NTM: variants seen among roughly 807,000 people sequenced by gnomAD.
NTM encodes neurotrimin.
In NTM, 13 loss-of-function variants were observed where a neutral mutation model predicts 42.1. That is an observed-to-expected ratio of 0.31 (90% CI 0.20 to 0.49). The LOEUF is 0.49. Ranked by LOEUF, NTM falls within the 20% of genes least tolerant of loss-of-function variation. The probability of loss-of-function intolerance (pLI) is 0.99; values close to 1 mark genes in which losing one functional copy is unlikely to be tolerated. For synonymous variants in NTM, 187 were observed against 179.2 expected (o/e 1.04, Z -0.35); for missense variants, 373 against 452.8 (o/e 0.82, Z 1.60).
chr11:131,951,501 G>A (rs1280068615), intron 2 of NTM, among the ~76,000 whole-genome samples: 1 of 152,128 alleles, frequency 6.6e-6, no homozygotes, highest in East Asian at 1.9e-4. Flanking sequence ...CCACACAGAA[G>A]CAAAGATAGA....
chr11:132,053,569 T>C (rs931622368), intron 2 of NTM, among the ~76,000 whole-genome samples: 5 of 152,138 alleles, frequency 3.3e-5, no homozygotes, highest in African/African-American at 9.7e-5. Context: ...TTGGGGAATG[T>C]AGAGGGATTA....
At chr11:131,410,517 CAA>C (rs1161389222) in intron 1 of NTM, among the ~76,000 whole-genome samples, 18 of 32,768 alleles carry the variant, frequency 5.5e-4, no homozygotes, top group African/African-American at 2.2e-3. Context: ...AAACAATAAC[CAA>C]AAAAAAAAAA....
intron 1 of NTM, among the ~76,000 whole-genome samples, chr11:131,890,158 C>G (rs530342): frequency 0.048 from 2,799 of 58,844 alleles, 99 homozygotes; most frequent in African/African-American, 0.093. Context: ...CTCTCTCTGT[C>G]TCTCTCTCTC....
At chr11:131,805,419 G>T (rs1484996536) in intron 1 of NTM, among the ~76,000 whole-genome samples, 1 of 152,186 alleles carries the variant, frequency 6.6e-6, no homozygotes, top group African/African-American at 2.4e-5. Flanking sequence ...CATCCTACAT[G>T]CATGTGTGAT....
At chr11:132,201,088 T>A (rs544140562) in intron 3 of NTM, among the ~76,000 whole-genome samples, 5 of 152,216 alleles carry the variant, frequency 3.3e-5, no homozygotes, top group Non-Finnish European at 7.4e-5. Context: ...TGCAGACAAA[T>A]GACCCCTATT....
At chr11:132,330,212 G>C in intron 8 of NTM, 27 bp downstream of exon 8, 1 of 1,547,640 alleles carries the variant, frequency 6.5e-7, no homozygotes, top group South Asian at 1.2e-5. Flanking sequence ...GACAGCTGCT[G>C]CCTTGGTGGG....
chr11:132,110,678 C>A (rs1476962672), intron 2 of NTM, among the ~76,000 whole-genome samples: 1 of 152,188 alleles, frequency 6.6e-6, no homozygotes, highest in Non-Finnish European at 1.5e-5. Context: ...TGAATCAACA[C>A]AGAGTTTTTA....
In NTM at chr11:131,652,528, A is replaced by G. The variant is rs142779212; in HGVS notation, c.83-259036A>G. On this transcript the variant is annotated intron_variant, in intron 1 of 8. Transcript: ENST00000683400. The stretch of plus-strand genomic sequence containing the variant: ...CCTGACATGCTCAACTCACTCTCAC[A>G]GTTGATGTTTTTGGAAGTTTGCTGC... Among the ~76,000 whole-genome samples the G allele has an allele frequency of 4.0e-3, 611 of 152,282 alleles. 4 individuals carry two copies. Among genetic ancestry groups the G allele is most frequent in the African/African-American group, 0.014 (595 of 41,554 alleles).
At chr11:131,699,422 G>T (rs2075826820) in intron 1 of NTM, among the ~76,000 whole-genome samples, 1 of 152,168 alleles carries the variant, frequency 6.6e-6, no homozygotes, top group Non-Finnish European at 1.5e-5. Flanking sequence ...TATGATAGAG[G>T]CAGGAGTGGG....
intron 1 of NTM, among the ~76,000 whole-genome samples, chr11:131,807,598 A>G (rs2092563245): frequency 6.6e-6 from 1 of 152,198 alleles, no homozygotes; most frequent in Non-Finnish European, 1.5e-5. Context: ...GGAGGTGTAA[A>G]GTGCTAAAAG....
intron 1 of NTM, among the ~76,000 whole-genome samples, chr11:131,516,071 G>A (rs1264790023): frequency 1.3e-5 from 2 of 152,074 alleles, no homozygotes; most frequent in Admixed American, 6.6e-5. Flanking sequence ...TATTTGTTGG[G>A]GTTTTAAAAG....
intron 3 of NTM, among the ~76,000 whole-genome samples, chr11:132,148,221 G>A (rs1042462155): frequency 6.6e-6 from 1 of 152,194 alleles, no homozygotes; most frequent in Non-Finnish European, 1.5e-5. Flanking sequence ...TTGCATAGAA[G>A]GTATCAGAGT....
chr11:132,314,746 G>A (rs761278087), intron 7 of NTM, 43 bp downstream of exon 7: 4 of 1,577,872 alleles, frequency 2.5e-6, no homozygotes, highest in African/African-American at 2.7e-5. Context: ...GGGAGAGGGT[G>A]CAGAACGGGA....
intron 1 of NTM, among the ~76,000 whole-genome samples, chr11:131,523,808 AT>A (rs2050091119): frequency 6.6e-6 from 1 of 150,418 alleles, no homozygotes. Flanking sequence ...AAAAAAAAGA[AT>A]AAGAAGAAGA....
chr11:132,181,447 A>G (rs2077564336), intron 3 of NTM, among the ~76,000 whole-genome samples: 2 of 152,232 alleles, frequency 1.3e-5, no homozygotes, highest in South Asian at 4.1e-4. Context: ...TATGTCCTGC[A>G]GACAACTTGA....
Position 131,990,967 on chromosome 11 carries a change from A to G in NTM, c.167+79319A>G, listed in dbSNP as rs1295054943. ...TACTTTCTGTATGTGTGATATACAT[A>G]CTGTCTAACCTGAACAAGAACACTG... On this transcript the variant is annotated intron_variant, in intron 2 of 8. Coordinates refer to ENST00000683400, the MANE Select transcript of NTM (RefSeq NM_001352005.2). Among the ~76,000 whole-genome samples, 4 of 152,154 alleles carry G rather than the reference A, an allele frequency of 2.6e-5. No individual in the cohort carries two copies. The East Asian group carries it at 7.7e-4, about 29-fold the overall frequency.
At chr11:132,170,573 C>T (rs2075978465) in intron 3 of NTM, among the ~76,000 whole-genome samples, 1 of 152,140 alleles carries the variant, frequency 6.6e-6, no homozygotes, top group African/African-American at 2.4e-5. Context: ...AATTTTGAAT[C>T]TTACTGTCTA....
chr11:131,807,188 G>A (rs1018201409), intron 1 of NTM, among the ~76,000 whole-genome samples: 1 of 152,222 alleles, frequency 6.6e-6, no homozygotes, highest in Non-Finnish European at 1.5e-5. Context: ...AATAAAGACT[G>A]AGAATATGAA....
At chr11:131,488,564 G>A (rs1288486978) in intron 1 of NTM, among the ~76,000 whole-genome samples, 2 of 152,146 alleles carry the variant, frequency 1.3e-5, no homozygotes, top group Non-Finnish European at 2.9e-5. Flanking sequence ...CAAGAAAAAG[G>A]GATATAGTTT....
Sources: gnomAD v4.1 joint callset for allele counts (sites outside exome capture counted in the v4.1 genomes callset) on GRCh38, gnomAD v4.1.1 for gene constraint, MANE v1.5 for transcripts, NCBI Gene and HGNC (gene_info 2026-07-23, HGNC 2026-07-21) for gene names.